CREBBP: variants seen among roughly 807,000 people sequenced by gnomAD.
CREBBP encodes CREB-binding protein.
CREBBP carries 19 observed loss-of-function variants against 265.0 expected under a neutral mutation model. The ratio of observed to expected loss-of-function variants is 0.07; its 90% CI spans 0.05 to 0.11. CREBBP has a LOEUF of 0.11. Ranked by LOEUF, CREBBP falls within the 10% of genes least tolerant of loss-of-function variation. The pLI is 1.00. For synonymous variants in CREBBP, 1,457 were observed against 1,223.7 expected, an observed-to-expected ratio of 1.19 and a Z score of -3.98; for missense variants, 2,525 against 3,219.0, an observed-to-expected ratio of 0.78 and a Z score of 5.22.
intron 24 of CREBBP, 111 bp from the exon 25 acceptor site, chr16:3,739,835 G>T: frequency 6.8e-7 from 1 of 1,478,226 alleles, no homozygotes; most frequent in Non-Finnish European, 9.4e-7. Flanking sequence ...CGGAGGCATG[G>T]CCACCTCCTC....
chr16:3,850,173 G>A (rs2054796994), intron 2 of CREBBP, 124 bp downstream of exon 2: 4 of 884,554 alleles, frequency 4.5e-6, no homozygotes, highest in Middle Eastern at 2.8e-4. Flanking sequence ...TTCCAAGCAT[G>A]AGTGGCACGT....
In CREBBP at chr16:3,725,621, G is replaced by C. The variant is rs747752150; in HGVS notation, c.*2097C>G. 17 of 233,336 alleles carry C rather than the reference G, an allele frequency of 7.3e-5. No homozygotes were observed. Among genetic ancestry groups the C allele is most frequent in the Non-Finnish European group, 5.1e-5 (6 of 118,068 alleles). The allele number at this position is 233,336 out of a possible 1,614,324, so 14.5% of individuals were successfully genotyped here. A position where few individuals can be genotyped will look rare whatever the true frequency, so the allele number is the denominator to read the frequency against. On this transcript the variant is annotated 3_prime_UTR_variant, in exon 31 of 31. Transcript: ENST00000262367. ...TGGGGTGAATGGGGGCTGGTCAGGG[G>C]TGCCAGATGGTGGTCTTATTTTTAC...
intron 2 of CREBBP, among the ~76,000 whole-genome samples, chr16:3,843,881 G>T (rs1416265816): frequency 6.6e-6 from 1 of 151,746 alleles, no homozygotes; most frequent in Non-Finnish European, 1.5e-5. Context: ...GGGCGCGGTG[G>T]CTCACGCCTG....
intron 2 of CREBBP, among the ~76,000 whole-genome samples, chr16:3,845,396 G>C (rs1209191774): frequency 1.3e-5 from 2 of 152,172 alleles, no homozygotes; most frequent in East Asian, 3.8e-4. Flanking sequence ...TAAAGAAAAA[G>C]AGTTCAGAAA....
chr16:3,819,017 A>G (rs2054092680), intron 2 of CREBBP, among the ~76,000 whole-genome samples: 1 of 152,210 alleles, frequency 6.6e-6, no homozygotes, highest in African/African-American at 2.4e-5. Context: ...TGTCTCCTTC[A>G]AGTTCACCGG....
At chr16:3,735,806 C>T (rs1413220711) in intron 28 of CREBBP, among the ~76,000 whole-genome samples, 1 of 152,202 alleles carries the variant, frequency 6.6e-6, no homozygotes, top group Non-Finnish European at 1.5e-5. Context: ...CCTCTCTTCC[C>T]TCTCCGAGTC....
chr16:3,837,892 T>C (rs59839395), intron 2 of CREBBP, among the ~76,000 whole-genome samples: 4,577 of 152,174 alleles, frequency 0.03, 234 homozygotes, highest in African/African-American at 0.1. Flanking sequence ...TACAGCAACG[T>C]TCTCAGCTGT....
chr16:3,847,831 C>T (rs1457652190), intron 2 of CREBBP, among the ~76,000 whole-genome samples: 2 of 152,152 alleles, frequency 1.3e-5, no homozygotes, highest in Non-Finnish European at 2.9e-5. Flanking sequence ...TCTTAAGAGG[C>T]ATATCAACTA....
At chr16:3,788,715 G>A (rs2053442874) in intron 5 of CREBBP, among the ~76,000 whole-genome samples, 1 of 152,246 alleles carries the variant, frequency 6.6e-6, no homozygotes, top group Non-Finnish European at 1.5e-5. Context: ...CTTTTGGGAG[G>A]TCAAGGTGGG....
intron 3 of CREBBP, among the ~76,000 whole-genome samples, chr16:3,805,040 C>G (rs562830093): frequency 5.3e-5 from 8 of 152,338 alleles, no homozygotes; most frequent in Admixed American, 1.3e-4. Flanking sequence ...CAACACATCA[C>G]GTATCATTAT....
At chr16:3,745,031 A>T in intron 22 of CREBBP, 70 bp from the exon 23 acceptor site, 1 of 1,173,928 alleles carries the variant, frequency 8.5e-7, no homozygotes, top group South Asian at 1.2e-5. Context: ...AAAATGCAGC[A>T]TTCAGATAGT....
At position 3,835,953 on chromosome 16, in the gene CREBBP, T is replaced by A. The variant is rs145083938; in HGVS notation, c.798+14344A>T. Among the ~76,000 whole-genome samples, 1,317 of 152,034 alleles carry A rather than the reference T, an allele frequency of 8.7e-3. 11 individuals carry two copies. Among genetic ancestry groups the A allele is most frequent in the Admixed American group, 0.012 (189 of 15,280 alleles). ...TTAATGGGAGAACGGACAAGCAAATTATGCTCTAGTCACAAAACAGAATAC... is the reference window on the plus strand; with the variant it reads ...TTAATGGGAGAACGGACAAGCAAATAATGCTCTAGTCACAAAACAGAATAC... On this transcript the variant is annotated intron_variant, in intron 2 of 30. Transcript: ENST00000262367.
chr16:3,766,328 C>T (rs1015181158), intron 16 of CREBBP, among the ~76,000 whole-genome samples: 8 of 152,204 alleles, frequency 5.3e-5, no homozygotes, highest in African/African-American at 1.9e-4. Flanking sequence ...ATACTTCTCC[C>T]TTTACCAACT....
At chr16:3,769,054 T>A in intron 15 of CREBBP, 120 bp downstream of exon 15, 7 of 1,163,440 alleles carry the variant, frequency 6.0e-6, no homozygotes, top group Admixed American at 1.9e-5. Context: ...CGAACCCACA[T>A]TCAAACAGAA....
At chr16:3,795,707 T>G (rs1275426078) in intron 3 of CREBBP, among the ~76,000 whole-genome samples, 1 of 152,190 alleles carries the variant, frequency 6.6e-6, no homozygotes, top group African/African-American at 2.4e-5. Flanking sequence ...TTAAGTCCAC[T>G]GCTCAACTGG....
rs1454028006 is a variant in CREBBP at position 3,745,097 on chromosome 16, C to A, written c.3915-136G>T. On this transcript the variant is annotated intron_variant, in intron 22 of 30. Transcript: ENST00000262367. ...AATTAAAGAGTGAAGAGGCAGACTG[C>A]TTTGATTCCACAATTCCTAAAGCGG... 2.4e-5 allele frequency: 22 copies of A among 903,458 alleles called. No individual in the cohort carries two copies. In the East Asian group the frequency reaches 5.3e-4, roughly 22 times the overall value. The allele number at this position is 903,458 out of a possible 1,614,324, so 56.0% of individuals were successfully genotyped here.
At chr16:3,811,926 C>T (rs1215566652) in intron 2 of CREBBP, among the ~76,000 whole-genome samples, 2 of 152,054 alleles carry the variant, frequency 1.3e-5, no homozygotes, top group East Asian at 3.9e-4. Flanking sequence ...TGATCAACAG[C>T]AGGGGATTAG....
At chr16:3,833,422 C>A (rs540359068) in intron 2 of CREBBP, among the ~76,000 whole-genome samples, 1 of 151,966 alleles carries the variant, frequency 6.6e-6, no homozygotes, top group African/African-American at 2.4e-5. Flanking sequence ...AAAAGAAACC[C>A]AAAACAAACA....
chr16:3,747,546 T>A (rs987617684), intron 21 of CREBBP, among the ~76,000 whole-genome samples: 3 of 152,240 alleles, frequency 2.0e-5, no homozygotes, highest in Non-Finnish European at 4.4e-5. Flanking sequence ...TGCTGCAGGC[T>A]GTGCCATTAC....
Sources: gnomAD v4.1 joint callset for allele counts (sites outside exome capture counted in the v4.1 genomes callset) on GRCh38, gnomAD v4.1.1 for gene constraint, MANE v1.5 for transcripts, NCBI Gene and HGNC (gene_info 2026-07-23, HGNC 2026-07-21) for gene names.